Variants in C1S observed in about 807,000 individuals in gnomAD.
C1S encodes the protein complement C1s subcomponent.
Under a neutral mutation model 54.0 loss-of-function variants are expected in C1S, and 31 were observed. That is an observed-to-expected ratio of 0.57 (90% CI 0.43 to 0.78). The LOEUF (loss-of-function observed/expected upper bound fraction) is 0.78. C1S is among the 30% of genes least tolerant of loss of function. The probability of loss-of-function intolerance (pLI) is 0.00; values close to 1 mark genes in which losing one functional copy is unlikely to be tolerated. For missense variants in C1S, 727 were observed against 851.8 expected, an observed-to-expected ratio of 0.85 and a Z score of 1.82; for synonymous variants, 292 against 303.6, an observed-to-expected ratio of 0.96 and a Z score of 0.40.
chr12:7,067,760 A>G lies in C1S; in HGVS notation c.1184A>G (p.Asn395Ser), dbSNP rs1555162542. Residue 395 changes from asparagine (N) to serine (S), a missense_variant, in exon 10 of 12, where the codon AAT (asparagine) becomes AGT (serine). Coordinates refer to ENST00000360817, the MANE Select transcript of C1S (RefSeq NM_001734.5). ...GAGGAGCCATATTACTACATGGAAAATGGAGGAGGTGGTAGGTTTCTTCTA... is the reference window on the plus strand; with the variant it reads ...GAGGAGCCATATTACTACATGGAAAGTGGAGGAGGTGGTAGGTTTCTTCTA... ...TCEEPYYYME[N>S]GGGGEYHCAG... 1 of 1,614,050 alleles carries G rather than the reference A, an allele frequency of 6.2e-7. No homozygotes were observed. Among genetic ancestry groups the G allele is most frequent in the South Asian group, 1.1e-5 (1 of 91,082 alleles).
rs2135729657 is a variant in C1S at position 7,070,005 on chromosome 12, C to T, written c.1421C>T (p.Ala474Val). The change falls in exon 12 of 12, where the codon GCT becomes GTT. Residue 474 changes from alanine (A) to valine (V), a missense_variant. Ala to Val is a moderately conservative substitution (Grantham distance 64). Around this residue, in one of 3 missense-constraint regions of C1S, gnomAD observed 360 missense variants for 453.6 expected, o/e 0.79. Transcript: ENST00000360817. This position sits in a 1 kb window ranked among gnomAD's most constrained non-coding sequence, Gnocchi z 4.9. ...LINEYWVLTA[A>V]HVVEGNREPT... is the part of the protein sequence containing the mutation. ...AATGAGTACTGGGTGCTGACGGCTGCTCATGTTGTGGAGGGAAACAGGGAG... is the reference window on the plus strand; with the variant it reads ...AATGAGTACTGGGTGCTGACGGCTGTTCATGTTGTGGAGGGAAACAGGGAG... 6.2e-7 allele frequency: 1 copy of T among 1,614,216 alleles called. No individual in the cohort carries two copies. The highest frequency in any genetic ancestry group is 8.5e-7 in the Non-Finnish European group (1 of 1,180,044).
intron 7 of C1S, 181 bp downstream of exon 7, chr12:7,066,151 C>T (rs1486018212): frequency 1.5e-6 from 1 of 658,304 alleles, no homozygotes; most frequent in Non-Finnish European, 2.7e-6. Flanking sequence ...CTCTGGGCAA[C>T]AGAGCAAAAC....
intron 1 of C1S, 48 bp from the exon 2 acceptor site, chr12:7,061,791 G>A: frequency 9.4e-7 from 1 of 1,063,446 alleles, no homozygotes; most frequent in South Asian, 1.3e-5. Context: ...CACCAAAGAA[G>A]GTGCTTGTGT....
rs1384532639 is a variant in C1S at position 7,070,127 on chromosome 12, A to G, written c.1543A>G (p.Lys515Glu). Reference sequence around the variant, plus strand: ...GCATGTGTTTATTCATCCGGGATGGAAGCTGCTGGAAGTCCCAGAAGGACG... The same window carrying G: ...GCATGTGTTTATTCATCCGGGATGGGAGCTGCTGGAAGTCCCAGAAGGACG... ...PEHVFIHPGWKLLEVPEGRTN... is the reference protein window; with the variant it reads ...PEHVFIHPGWELLEVPEGRTN... Residue 515 changes from lysine to glutamate, a missense_variant, in exon 12 of 12, where the codon AAG becomes GAG. This residue lies in a region of C1S where 360 missense variants were observed against 453.6 expected (regional missense o/e 0.79). Coordinates refer to ENST00000360817, the MANE Select transcript of C1S (RefSeq NM_001734.5). This position sits in a 1 kb window ranked among gnomAD's most constrained non-coding sequence, Gnocchi z 4.9. The G allele has an allele frequency of 3.7e-6, 6 of 1,614,180 alleles. No individual in the cohort carries two copies. Among genetic ancestry groups the G allele is most frequent in the Non-Finnish European group, 4.2e-6 (5 of 1,180,036 alleles).
At chr12:7,061,941 A>G in intron 2 of C1S, 24 bp downstream of exon 2, 1 of 1,612,574 alleles carries the variant, frequency 6.2e-7, no homozygotes, top group Non-Finnish European at 8.5e-7. Flanking sequence ...GGTCCCTGAG[A>G]TGACACAGAC....
chr12:7,065,107 C>A lies in C1S; in HGVS notation c.525C>A (p.Cys175Ter). ...HDDMKNCGVN[C>*]SGDVFTALIG... ...TCTCTTTTTCTCTGTTAGTTAATTGCAGTGGGGATGTATTCACTGCACTGA... is the reference window on the plus strand; with the variant it reads ...TCTCTTTTTCTCTGTTAGTTAATTGAAGTGGGGATGTATTCACTGCACTGA... Residue 175 changes from cysteine to a stop codon, truncating the protein, a stop_gained, in exon 6 of 12, where the codon TGC becomes TGA. Transcript: ENST00000360817. LOFTEE classifies it high-confidence loss of function. 1 of 1,612,564 alleles carries A rather than the reference C, an allele frequency of 6.2e-7. No individual in the cohort carries two copies. The highest frequency in any genetic ancestry group is 8.5e-7 in the Non-Finnish European group (1 of 1,178,636).
chr12:7,067,330 G>A (rs974525191), intron 9 of C1S: 2 of 638,314 alleles, frequency 3.1e-6, no homozygotes, highest in Non-Finnish European at 5.6e-6. Context: ...CAAGAAAGGG[G>A]CTATGGGATA....
rs781903611 is a variant in C1S, at chr12:7,067,634, G to T, written c.1067-9G>T. 6.2e-7 allele frequency: 1 copy of T among 1,613,792 alleles called. No homozygotes were observed. The highest frequency in any genetic ancestry group is 2.2e-5 in the East Asian group (1 of 44,876). ...TCCTGACCATCGCTCTCCTTCCTTC[G>T]TCTGGTAGCTGTGGACTGTGGCATT... is the stretch of plus-strand genomic sequence containing the variant. On this transcript the variant is annotated splice_polypyrimidine_tract_variant and intron_variant, in intron 9 of 11. Coordinates refer to ENST00000360817, the MANE Select transcript of C1S (RefSeq NM_001734.5).
intron 6 of C1S, 143 bp downstream of exon 6, chr12:7,065,442 A>G: frequency 1.4e-6 from 1 of 734,016 alleles, no homozygotes. Flanking sequence ...TGTAGCCTTG[A>G]TCTCTTGGGC....
intron 7 of C1S, 49 bp downstream of exon 7, chr12:7,066,019 A>G (rs782153739): frequency 2.6e-6 from 4 of 1,529,698 alleles, no homozygotes; most frequent in East Asian, 2.2e-5. Context: ...AAAGTCCCCA[A>G]ACAATGTGGG....
intron 8 of C1S, 101 bp downstream of exon 8, chr12:7,066,734 G>C: frequency 2.6e-6 from 2 of 778,694 alleles, no homozygotes; most frequent in Non-Finnish European, 4.7e-6. Context: ...TGTGATCAAG[G>C]TATAACACCT....
intron 3 of C1S, 82 bp from the exon 4 acceptor site, chr12:7,062,808 T>C: frequency 6.5e-7 from 1 of 1,544,982 alleles, no homozygotes; most frequent in Non-Finnish European, 8.9e-7. Flanking sequence ...GCATAAATGT[T>C]CTATTCTCTC....
intron 1 of C1S, chr12:7,061,269 C>A (rs1947084390): frequency 6.3e-6 from 1 of 157,836 alleles, no homozygotes; most frequent in African/African-American, 2.4e-5. Flanking sequence ...TGGGGCAGCA[C>A]TTCCTTCTCA....
In C1S at chr12:7,065,812, T is replaced by G. The variant is rs78523176; in HGVS notation, c.718-5T>G. ...TCCCTCTTCTGATTTCATCATTTTG[T>G]TCAGTTTGTTGCAGGAGATCGGCAA... On this transcript the variant is annotated splice_polypyrimidine_tract_variant and splice_region_variant and intron_variant, in intron 6 of 11. Transcript: ENST00000360817. The G allele has an allele frequency of 2.3e-4, 373 of 1,612,102 alleles. No individual in the cohort carries two copies. In the East Asian group the frequency reaches 6.1e-3, roughly 26 times the overall value.
chr12:7,066,364 A>G (rs1295128226), intron 7 of C1S, 154 bp from the exon 8 acceptor site: 7 of 699,048 alleles, frequency 1.0e-5, no homozygotes, highest in South Asian at 7.6e-5. Context: ...TGGTAATGCC[A>G]TATGATTTTA....
intron 7 of C1S, 78 bp downstream of exon 7, chr12:7,066,048 T>C: frequency 1.5e-6 from 2 of 1,317,468 alleles, no homozygotes; most frequent in Non-Finnish European, 2.2e-6. Context: ...AGGTAGATGA[T>C]CCAGGCACAC....
Position 7,062,686 on chromosome 12 carries a change from T to C in C1S, c.213+4T>C, listed in dbSNP as rs782026056. On this transcript the variant is annotated splice_donor_region_variant and intron_variant, in intron 3 of 11. Transcript: ENST00000360817. Reference sequence around the variant, plus strand: ...CTGTGCGTATGACTCAGTGCAGGTATGTTATAAGCACAAAAAGAATAGAGA... The same window carrying C: ...CTGTGCGTATGACTCAGTGCAGGTACGTTATAAGCACAAAAAGAATAGAGA... 191 of 1,611,556 alleles carry C rather than the reference T, an allele frequency of 1.2e-4. No individual in the cohort carries two copies. Among genetic ancestry groups the C allele is most frequent in the Non-Finnish European group, 1.5e-4 (171 of 1,178,364 alleles).
At chr12:7,061,497 C>T (rs1407212870) in intron 1 of C1S, 4 of 332,460 alleles carry the variant, frequency 1.2e-5, no homozygotes, top group Admixed American at 8.0e-5. Context: ...ATGGGAGCAT[C>T]GTTCTTGAGG....
intron 7 of C1S, 68 bp downstream of exon 7, chr12:7,066,038 A>G: frequency 7.1e-7 from 1 of 1,404,900 alleles, no homozygotes; most frequent in Non-Finnish European, 1.0e-6. Flanking sequence ...GGATCAAAGC[A>G]GGTAGATGAT....
Sources: gnomAD v4.1 joint callset for allele counts on GRCh38, gnomAD v4.1.1 for gene constraint, gnomAD v4.1.1 regional missense constraint, Gnocchi (gnomAD v3.1) non-coding constraint, MANE v1.5 for transcripts, NCBI Gene and HGNC (gene_info 2026-07-23, HGNC 2026-07-21) for gene names.